ADGRV1: variants seen among roughly 807,000 people sequenced by gnomAD.
The protein encoded by ADGRV1 is G-protein coupled receptor 98.
ADGRV1 carries 359 observed loss-of-function variants against 596.2 expected under a neutral mutation model. The observed-to-expected ratio is 0.60, with a 90% CI of 0.55 to 0.66. ADGRV1 has a LOEUF of 0.66. Among genes scored for constraint, ADGRV1 ranks in the 30% least tolerant of loss-of-function variants. The pLI is 0.00. For missense variants in ADGRV1, 7,274 were observed against 7,575.6 expected (o/e 0.96, Z 1.48); for synonymous variants, 2,681 against 2,679.2 (o/e 1.00, Z -0.02).
intron 43 of ADGRV1, chr5:90,717,745 T>A (rs1750340417): frequency 6.6e-6 from 1 of 152,128 alleles, no homozygotes; most frequent in Non-Finnish European, 1.5e-5. Flanking sequence ...GACCTCGTGA[T>A]CCGCCCGCCT....
Position 91,054,098 on chromosome 5 carries a change from TGTGTGAGAGAGA to T in ADGRV1, c.18153-18347_18153-18336del, listed in dbSNP as rs1379201169. Among the ~76,000 whole-genome samples, 10 of 124,572 alleles carry T rather than the reference TGTGTGAGAGAGA, an allele frequency of 8.0e-5. No homozygotes were observed. The East Asian group carries it at 8.6e-4, about 11-fold the overall frequency. 81.7% of individuals were successfully genotyped at this position (124,572 alleles called of 152,430 possible). On this transcript the variant is annotated intron_variant, in intron 85 of 89. Transcript: ENST00000405460. ...GTGTGTGTGTGTGTGTGTGTGTGTG[TGTGTGAGAGAGA>T]GAGAGAGAGAGAGAGAGAGAGAGAC...
chr5:90,930,306 T>C (rs1348789079), intron 83 of ADGRV1, among the ~76,000 whole-genome samples: 2 of 152,158 alleles, frequency 1.3e-5, no homozygotes, highest in East Asian at 3.9e-4. Flanking sequence ...AGGCATATCA[T>C]GAGTCCTTCC....
rs528551301 is a variant in ADGRV1, at chr5:90,879,411, CAG to C, written c.17856+15556_17856+15557del. 1.8e-3 allele frequency among the ~76,000 whole-genome samples: 269 copies of C among 152,124 alleles called. 1 individual carries two copies. Among genetic ancestry groups the C allele is most frequent in the South Asian group, 0.011 (52 of 4,826 alleles). ...AACAAGCAGTATTCATTCAAAAAAACAGAAGGTAGGATGTTATGGAAGTAAAA... is the reference window on the plus strand; with the variant it reads ...AACAAGCAGTATTCATTCAAAAAAACAAGGTAGGATGTTATGGAAGTAAAA... On this transcript the variant is annotated intron_variant, in intron 83 of 89. Transcript: ENST00000405460.
At chr5:90,920,357 G>C (rs4523030) in intron 83 of ADGRV1, among the ~76,000 whole-genome samples, 45 of 152,324 alleles carry the variant, frequency 3.0e-4, no homozygotes, top group African/African-American at 1.0e-3. Context: ...TTACGGGTTA[G>C]AGTTTCAACA....
intron 84 of ADGRV1, among the ~76,000 whole-genome samples, chr5:90,980,568 A>G (rs17633498): frequency 0.24 from 37,174 of 152,162 alleles, 4,996 homozygotes; most frequent in Non-Finnish European, 0.31. Context: ...ACAACATTTT[A>G]AAAGCTTAGA....
At chr5:90,952,355 C>G (rs1777126926) in intron 83 of ADGRV1, among the ~76,000 whole-genome samples, 1 of 152,158 alleles carries the variant, frequency 6.6e-6, no homozygotes, top group African/African-American at 2.4e-5. Context: ...TTCTGATCAG[C>G]CAATTGTGGA....
At chr5:90,982,003 G>T (rs1780115070) in intron 84 of ADGRV1, among the ~76,000 whole-genome samples, 2 of 152,094 alleles carry the variant, frequency 1.3e-5, no homozygotes, top group African/African-American at 4.8e-5. Context: ...TGTCAGGATT[G>T]CTTGAGCCCA....
chr5:91,145,042 G>A (rs1464208967), intron 87 of ADGRV1, among the ~76,000 whole-genome samples: 1 of 152,220 alleles, frequency 6.6e-6, no homozygotes, highest in African/African-American at 2.4e-5. Context: ...GATAATGAAA[G>A]TCCATTTTCT....
At chr5:90,794,570 A>G (rs924152056) in intron 70 of ADGRV1, among the ~76,000 whole-genome samples, 1 of 152,162 alleles carries the variant, frequency 6.6e-6, no homozygotes, top group Non-Finnish European at 1.5e-5. Flanking sequence ...TAGTGTATGA[A>G]CAGCCAGTTA....
chr5:90,720,855 A>C, intron 44 of ADGRV1, 80 bp from the exon 45 acceptor site: 3 of 1,151,110 alleles, frequency 2.6e-6, no homozygotes, highest in Non-Finnish European at 3.6e-6. Context: ...TATTAAGTAT[A>C]TGCTAGCAAT....
At chr5:90,712,996 A>G (rs1749579744) in intron 42 of ADGRV1, among the ~76,000 whole-genome samples, 1 of 152,096 alleles carries the variant, frequency 6.6e-6, no homozygotes, top group Non-Finnish European at 1.5e-5. Context: ...TAGAGAAGGT[A>G]AGAAAGAGAC....
At chr5:91,051,967 A>G (rs1478414959) in intron 85 of ADGRV1, among the ~76,000 whole-genome samples, 1 of 152,190 alleles carries the variant, frequency 6.6e-6, no homozygotes, top group Non-Finnish European at 1.5e-5. Context: ...TACGATATTC[A>G]TTTTAGCTAA....
At chr5:90,656,967 A>AT (rs1291312093) in intron 20 of ADGRV1, among the ~76,000 whole-genome samples, 1 of 152,056 alleles carries the variant, frequency 6.6e-6, no homozygotes, top group African/African-American at 2.4e-5. Context: ...AAATATTTCT[A>AT]TTTTTACATC....
intron 50 of ADGRV1, among the ~76,000 whole-genome samples, chr5:90,737,796 C>T (rs1161761097): frequency 6.6e-6 from 1 of 151,908 alleles, no homozygotes; most frequent in Non-Finnish European, 1.5e-5. Context: ...TCCATTCCTT[C>T]ATTTTCACTT....
chr5:91,009,112 A>C (rs572372085), intron 85 of ADGRV1, among the ~76,000 whole-genome samples: 1 of 152,190 alleles, frequency 6.6e-6, no homozygotes, highest in East Asian at 1.9e-4. Context: ...TGTGTTGTTC[A>C]TAGAAGTAAA....
intron 70 of ADGRV1, among the ~76,000 whole-genome samples, chr5:90,801,350 G>A (rs529924130): frequency 6.6e-6 from 1 of 152,240 alleles, no homozygotes; most frequent in South Asian, 2.1e-4. Context: ...GTGAGCAGAG[G>A]AGCTAGGCGG....
At chr5:90,855,493 C>T (rs2150415935) in intron 81 of ADGRV1, among the ~76,000 whole-genome samples, 1 of 152,156 alleles carries the variant, frequency 6.6e-6, no homozygotes, top group Middle Eastern at 3.4e-3. Context: ...AGGACAAGCT[C>T]CTTTGGTACC....
At chr5:90,926,559 T>C (rs200077596) in intron 83 of ADGRV1, among the ~76,000 whole-genome samples, 1 of 151,958 alleles carries the variant, frequency 6.6e-6, no homozygotes, top group Admixed American at 6.5e-5. Context: ...GGTCTATCAA[T>C]TTTGTTGATC....
chr5:91,104,921 G>A (rs1316513946), intron 87 of ADGRV1, among the ~76,000 whole-genome samples: 3 of 145,564 alleles, frequency 2.1e-5, no homozygotes, highest in African/African-American at 2.5e-5. Flanking sequence ...ATGCAGTGGC[G>A]CGAACTCAGC....
Sources: allele counts gnomAD v4.1 joint callset (sites outside exome capture counted in the v4.1 genomes callset), GRCh38; gene constraint gnomAD v4.1.1; transcripts MANE v1.5; gene names NCBI Gene and HGNC (gene_info 2026-07-23, HGNC 2026-07-21).